USH2A: variants seen among roughly 807,000 people sequenced by gnomAD.
USH2A encodes the protein usherin, also known as Usher syndrome 2A (autosomal recessive, mild).
A neutral mutation model predicts 538.9 loss-of-function variants in USH2A; 443 were observed. The ratio of observed to expected loss-of-function variants is 0.82; its 90% CI spans 0.76 to 0.89. USH2A has a LOEUF of 0.89. Among genes scored for constraint, USH2A ranks in the 40% least tolerant of loss-of-function variants. The pLI is 0.00. For missense variants in USH2A, 6,633 were observed against 6,324.8 expected, an observed-to-expected ratio of 1.05 and a Z score of -1.65; for synonymous variants, 2,413 against 2,273.5, an observed-to-expected ratio of 1.06 and a Z score of -1.75.
chr1:216,331,148 C>T (rs1048451700), intron 4 of USH2A, among the ~76,000 whole-genome samples: 1 of 151,966 alleles, frequency 6.6e-6, no homozygotes, highest in African/African-American at 2.4e-5. Context: ...AATCATCCAT[C>T]CCAAATAAAA....
chr1:215,981,774 T>C (rs938536909), intron 35 of USH2A, among the ~76,000 whole-genome samples: 19 of 152,238 alleles, frequency 1.2e-4, no homozygotes, highest in African/African-American at 4.6e-4. Context: ...GAGATGTAGC[T>C]GTAGCAAGGA....
chr1:216,019,328 T>C (rs1354258074), intron 32 of USH2A, among the ~76,000 whole-genome samples: 1 of 152,134 alleles, frequency 6.6e-6, no homozygotes, highest in Admixed American at 6.6e-5. Flanking sequence ...GCACAGGACA[T>C]ACGAAAGAAG....
intron 11 of USH2A, among the ~76,000 whole-genome samples, chr1:216,287,923 A>G (rs755691407): frequency 1.9e-4 from 29 of 152,182 alleles, no homozygotes; most frequent in Non-Finnish European, 3.4e-4. Context: ...TTCATTCAAC[A>G]TTTATGTGAC....
At chr1:215,715,581 G>C (rs1322194857) in intron 61 of USH2A, among the ~76,000 whole-genome samples, 1 of 152,058 alleles carries the variant, frequency 6.6e-6, no homozygotes, top group South Asian at 2.1e-4. Context: ...CTTCCAGAGG[G>C]GACAGTGCTC....
Position 215,675,337 on chromosome 1 carries a change from G to A in USH2A, c.12574C>T (p.Arg4192Cys), listed in dbSNP as rs750396156. ...CAAGCTTTTCCCTCGAAGCATCTGC[G>A]AATCACTTCATAGCGAATTATTTTT... ...NGKIIRYEVI[R>C]RCFEGKAWGN... The change falls in exon 63 of 72, where the codon CGC becomes TGC. Residue 4192 changes from arginine to cysteine, a missense_variant. By Grantham distance (180) the Arg-to-Cys change is radical. Coordinates refer to ENST00000307340, the MANE Select transcript of USH2A (RefSeq NM_206933.4). 149 of 1,613,958 alleles carry A rather than the reference G, an allele frequency of 9.2e-5. No individual in the cohort carries two copies. The highest frequency in any genetic ancestry group is 1.2e-4 in the Non-Finnish European group (144 of 1,180,032).
At chr1:216,067,740 G>A (rs1024701674) in intron 30 of USH2A, among the ~76,000 whole-genome samples, 2 of 152,116 alleles carry the variant, frequency 1.3e-5, no homozygotes, top group Non-Finnish European at 2.9e-5. Context: ...AGAAGCAAGA[G>A]TTGAGGTTTG....
intron 46 of USH2A, 115 bp from the exon 47 acceptor site, chr1:215,838,218 C>T (rs1041045475): frequency 1.2e-6 from 1 of 840,370 alleles, no homozygotes; most frequent in Non-Finnish European, 2.0e-6. Flanking sequence ...TCTCTATAGC[C>T]TCTTGAGGTT....
chr1:216,379,961 T>C (rs2038900011), intron 3 of USH2A, among the ~76,000 whole-genome samples: 2 of 152,242 alleles, frequency 1.3e-5, no homozygotes, highest in African/African-American at 4.8e-5. Flanking sequence ...AAGAGCCATG[T>C]ATGTGTAAAC....
Position 216,207,384 on chromosome 1 carries a change from C to A in USH2A, c.3205G>T (p.Ala1069Ser). The change falls in exon 16 of 72, where the codon GCT (alanine) becomes TCT (serine). Residue 1069 changes from alanine to serine, a missense_variant. Coordinates refer to ENST00000307340, the MANE Select transcript of USH2A (RefSeq NM_206933.4). The part of the protein sequence containing the change: ...PPRGQVQSSS[A>S]INLSWSPPDS... ...GGTGGACTCCAGGAGAGATTGATAG[C>A]AGAAGAACTTTGAACTTGTCCTCTG... 1 of 1,613,986 alleles carries A rather than the reference C, an allele frequency of 6.2e-7. No individual in the cohort carries two copies. Among genetic ancestry groups the A allele is most frequent in the Non-Finnish European group, 8.5e-7 (1 of 1,179,942 alleles).
intron 3 of USH2A, among the ~76,000 whole-genome samples, chr1:216,377,851 GA>G (rs1558061816): frequency 6.0e-5 from 8 of 133,810 alleles, no homozygotes; most frequent in African/African-American, 2.2e-4. Context: ...AAGAAAGAAA[GA>G]AAGAAAGAAA....
chr1:216,398,201 C>A (rs948086443), intron 3 of USH2A, among the ~76,000 whole-genome samples: 1 of 152,170 alleles, frequency 6.6e-6, no homozygotes, highest in Non-Finnish European at 1.5e-5. Context: ...GATGGAGCAG[C>A]CTTATTCCTC....
At chr1:215,678,172 T>C (rs138561630) in intron 62 of USH2A, among the ~76,000 whole-genome samples, 2 of 152,230 alleles carry the variant, frequency 1.3e-5, no homozygotes, top group African/African-American at 4.8e-5. Context: ...GGTCCTTATA[T>C]AGTCCATTTT....
At chr1:216,373,489 C>T (rs988634413) in intron 3 of USH2A, among the ~76,000 whole-genome samples, 1 of 152,106 alleles carries the variant, frequency 6.6e-6, no homozygotes, top group Non-Finnish European at 1.5e-5. Flanking sequence ...AAATAACTAT[C>T]TCAACGTTAC....
intron 3 of USH2A, among the ~76,000 whole-genome samples, chr1:216,400,751 T>C (rs1293539274): frequency 6.6e-6 from 1 of 152,150 alleles, no homozygotes; most frequent in East Asian, 1.9e-4. Flanking sequence ...ATTTCTCATC[T>C]GAAAAATTAG....
intron 32 of USH2A, among the ~76,000 whole-genome samples, chr1:216,012,519 A>T (rs981627777): frequency 1.3e-5 from 2 of 152,118 alleles, no homozygotes; most frequent in Non-Finnish European, 2.9e-5. Flanking sequence ...CTTCTGTCAG[A>T]CATAATTCCT....
chr1:216,272,695 T>G (rs1040775985), intron 11 of USH2A, among the ~76,000 whole-genome samples: 2 of 152,064 alleles, frequency 1.3e-5, no homozygotes, highest in African/African-American at 2.4e-5. Flanking sequence ...ATGCTGGTGC[T>G]GGGGTGGGCA....
At position 215,817,103 on chromosome 1, in the gene USH2A, T is replaced by C. The variant is rs772587108; in HGVS notation, c.9464A>G (p.Lys3155Arg). 1 of 1,612,906 alleles carries C rather than the reference T, an allele frequency of 6.2e-7. No individual in the cohort carries two copies. Among genetic ancestry groups the C allele is most frequent in the Admixed American group, 1.7e-5 (1 of 59,906 alleles). The stretch of plus-strand genomic sequence containing the variant: ...CTGATCCTGCACTAACTTTTGAGTT[T>C]TAGCGCATGGATACCATGTTTTCCA... ...LLWKTWYPCA[K>R]TQKLVQDQSD... The change falls in exon 48 of 72, where the codon AAA becomes AGA. Residue 3155 changes from lysine to arginine, a missense_variant. Lys to Arg is a conservative substitution (Grantham distance 26, BLOSUM62 2). Transcript: ENST00000307340.
At chr1:216,129,584 A>G (rs1467288215) in intron 21 of USH2A, among the ~76,000 whole-genome samples, 3 of 152,110 alleles carry the variant, frequency 2.0e-5, no homozygotes, top group African/African-American at 7.2e-5. Context: ...AACATTTTCT[A>G]TGTTCATGTA....
chr1:215,923,577 C>T (rs569607390), intron 38 of USH2A, among the ~76,000 whole-genome samples: 1 of 152,208 alleles, frequency 6.6e-6, no homozygotes, highest in East Asian at 1.9e-4. Flanking sequence ...ACAGTGTCCT[C>T]ATTGGTCAGA....
Sources: allele counts gnomAD v4.1 joint callset (sites outside exome capture counted in the v4.1 genomes callset), GRCh38; gene constraint gnomAD v4.1.1; transcripts MANE v1.5; gene names NCBI Gene and HGNC (gene_info 2026-07-23, HGNC 2026-07-21).